Variants in AEN observed in about 807,000 individuals in gnomAD.
The protein encoded by AEN is apoptosis enhancing nuclease.
Under a neutral mutation model 17.7 loss-of-function variants are expected in AEN, and 21 were observed. That is an observed-to-expected ratio of 1.19 (90% CI 0.84 to 1.71). The LOEUF (loss-of-function observed/expected upper bound fraction) is 1.71. Among genes scored for constraint, AEN ranks in the 40% most tolerant of loss-of-function variants. AEN has a pLI of 0.00. For missense variants in AEN, 462 were observed against 435.9 expected (o/e 1.06, Z -0.53); for synonymous variants, 190 against 173.0 (o/e 1.10, Z -0.77).
rs2057900137 is a variant in AEN, at chr15:88,629,493, G to A, written c.741+67G>A. Reference sequence around the variant, plus strand: ...TGGCCTCCATGCCACCTGAGCCACAGACAAGGCTTTGGGCTGTGTCTCCAG... The same window carrying A: ...TGGCCTCCATGCCACCTGAGCCACAAACAAGGCTTTGGGCTGTGTCTCCAG... On this transcript the variant is annotated intron_variant, in intron 3 of 3. Coordinates refer to ENST00000332810, the MANE Select transcript of AEN (RefSeq NM_022767.4). 11 of 1,563,050 alleles carry A rather than the reference G, an allele frequency of 7.0e-6. 1 individual carries two copies. The South Asian group carries it at 1.3e-4, about 18-fold the overall frequency.
At chr15:88,626,931 C>G in intron 2 of AEN, 182 bp downstream of exon 2, 2 of 686,266 alleles carry the variant, frequency 2.9e-6, no homozygotes, top group Non-Finnish European at 4.8e-6. Flanking sequence ...CTGACCTTGC[C>G]TCCAGATAAG....
chr15:88,611,155 G>C, the AEN span, among the ~76,000 whole-genome samples: 4 of 152,212 alleles, frequency 2.6e-5, no homozygotes, highest in East Asian at 1.9e-4. Context: ...CTTCCAGAAG[G>C]GGGAGGCACC....
chr15:88,629,613 A>G (rs963414110), intron 3 of AEN, among the ~76,000 whole-genome samples, 187 bp downstream of exon 3: 3 of 151,974 alleles, frequency 2.0e-5, no homozygotes, highest in African/African-American at 7.3e-5. Flanking sequence ...TCTCTCCATG[A>G]TCCTTCTTCC....
rs1330805473 is a variant in AEN at position 88,630,469 on chromosome 15, CCTCT to C, written c.*183_*186del. 3.2e-6 allele frequency: 2 copies of C among 616,960 alleles called. No homozygotes were observed. Among genetic ancestry groups the C allele is most frequent in the African/African-American group, 1.9e-5 (1 of 54,012 alleles). The allele number at this position is 616,960 out of a possible 1,614,324, so 38.2% of individuals were successfully genotyped here. ...TGACACCCTCTGCACACAGCATAGC[CCTCT>C]CTCTCTCCAGGGCTGTTGGTTCTTT... On this transcript the variant is annotated 3_prime_UTR_variant, in exon 4 of 4. Transcript: ENST00000332810. The surrounding 1 kb of genome is among the most constrained non-coding windows in gnomAD (Gnocchi z 5.1).
upstream of AEN, among the ~76,000 whole-genome samples, chr15:88,617,802 A>C (rs956678524): frequency 1.3e-5 from 2 of 151,840 alleles, no homozygotes; most frequent in African/African-American, 4.8e-5. Context: ...TTGCCTCATA[A>C]GTGACTAGCT....
the AEN span, chr15:88,611,918 T>G: frequency 2.0e-6 from 1 of 507,228 alleles, no homozygotes; most frequent in South Asian, 1.5e-5. Context: ...GTCTACCTAA[T>G]GGTGCCAGCC....
the AEN span, among the ~76,000 whole-genome samples, chr15:88,614,266 C>G: frequency 6.6e-6 from 1 of 150,930 alleles, no homozygotes; most frequent in Non-Finnish European, 1.5e-5. Context: ...GTGGTGTGAT[C>G]TCGGCTCAAT....
chr15:88,615,849 TA>T, the AEN span, among the ~76,000 whole-genome samples: 1 of 152,126 alleles, frequency 6.6e-6, no homozygotes, highest in Non-Finnish European at 1.5e-5. Flanking sequence ...ATCCCCACAG[TA>T]CCCCCAAAAA....
chr15:88,605,860 G>A, the AEN span, among the ~76,000 whole-genome samples: 1 of 152,236 alleles, frequency 6.6e-6, no homozygotes, highest in Non-Finnish European at 1.5e-5. The surrounding 1 kb of genome is among the most constrained non-coding windows in gnomAD (Gnocchi z 7.6). Context: ...GCCCATGGTC[G>A]GTGCCTGCGC....
chr15:88,626,442 G>T lies in AEN; in HGVS notation c.233G>T (p.Ser78Ile). The part of the protein sequence containing the change: ...FGAATATEAA[S>I]SGKQCLRAGS... ...GCAGCGACAGCAACTGAAGCTGCCA[G>T]CAGTGGGAAGCAGTGTCTGAGGGCT... The change falls in exon 2 of 4, where the codon AGC (serine) becomes ATC (isoleucine). Residue 78 changes from serine to isoleucine, a missense_variant. Coordinates refer to ENST00000332810, the MANE Select transcript of AEN (RefSeq NM_022767.4). The T allele has an allele frequency of 6.2e-7, 1 of 1,613,716 alleles. No homozygotes were observed. Among genetic ancestry groups the T allele is most frequent in the Non-Finnish European group, 8.5e-7 (1 of 1,179,934 alleles).
the AEN span, among the ~76,000 whole-genome samples, chr15:88,610,188 C>G: frequency 2.6e-5 from 4 of 152,152 alleles, no homozygotes; most frequent in Admixed American, 6.5e-5. Context: ...CTCCTATTAA[C>G]CAAGGGGTTA....
chr15:88,630,177 C>T lies in AEN; in HGVS notation c.861C>T (p.Asp287=). 20 of 1,613,654 alleles carry T rather than the reference C, an allele frequency of 1.2e-5. No individual in the cohort carries two copies. The highest frequency in any genetic ancestry group is 1.6e-5 in the Non-Finnish European group (19 of 1,179,838). The change falls in exon 4 of 4, where the codon GAC becomes GAT. Residue 287 remains aspartate, a synonymous_variant. Coordinates refer to ENST00000332810, the MANE Select transcript of AEN (RefSeq NM_022767.4). This position sits in a 1 kb window ranked among gnomAD's most constrained non-coding sequence, Gnocchi z 5.1. ...GCAGCCTCTGGACCTGCCCCGAGGA[C>T]AGAGAACCTGACAGCAGCACAGACA... ...EARSLWTCPE[D]REPDSSTDME...
chr15:88,606,504 A>G, the AEN span, among the ~76,000 whole-genome samples: 1 of 151,140 alleles, frequency 6.6e-6, no homozygotes, highest in Non-Finnish European at 1.5e-5. Context: ...GAGAGGCGCT[A>G]TCACAAAAGG....
rs772129059 is a variant in AEN, at chr15:88,626,601, G to A, written c.392G>A (p.Arg131His). 2.6e-5 allele frequency: 42 copies of A among 1,613,978 alleles called. No individual in the cohort carries two copies. Among genetic ancestry groups the A allele is most frequent in the East Asian group, 2.2e-4 (10 of 44,900 alleles). ...CGAGGGCGGGTAAGCGAGCTGGCCCGCTGTTCCATTGTGAGCTACCATGGC... is the reference window on the plus strand; with the variant it reads ...CGAGGGCGGGTAAGCGAGCTGGCCCACTGTTCCATTGTGAGCTACCATGGC... Reference protein sequence around the residue: ...GPRGRVSELARCSIVSYHGNV... With the variant: ...GPRGRVSELAHCSIVSYHGNV... Residue 131 changes from arginine (R) to histidine (H), a missense_variant, in exon 2 of 4, where the codon CGC becomes CAC. By Grantham distance (29) the Arg-to-His change is conservative (BLOSUM62 0). Coordinates refer to ENST00000332810, the MANE Select transcript of AEN (RefSeq NM_022767.4).
At chr15:88,611,358 G>A in the AEN span, among the ~76,000 whole-genome samples, 1 of 151,158 alleles carries the variant, frequency 6.6e-6, no homozygotes, top group Non-Finnish European at 1.5e-5. Flanking sequence ...CACTTTGAGA[G>A]GCTGAGGCAG....
At chr15:88,613,443 A>T in the AEN span, among the ~76,000 whole-genome samples, 2 of 152,102 alleles carry the variant, frequency 1.3e-5, no homozygotes, top group Admixed American at 1.3e-4. Flanking sequence ...TCACAGCGGG[A>T]GAGAAGCCCA....
At chr15:88,629,896 A>C (rs865993172) in intron 3 of AEN, among the ~76,000 whole-genome samples, 162 bp from the exon 4 acceptor site, 1 of 152,184 alleles carries the variant, frequency 6.6e-6, no homozygotes, top group Non-Finnish European at 1.5e-5. Context: ...TGCATGGCTT[A>C]TGGTGTACAG....
chr15:88,617,285 G>T (rs1266146521), upstream of AEN, among the ~76,000 whole-genome samples: 1 of 151,808 alleles, frequency 6.6e-6, no homozygotes, highest in South Asian at 2.1e-4. Flanking sequence ...ACAGAGTCTT[G>T]CACTGTTGCC....
chr15:88,611,412 A>G, the AEN span, among the ~76,000 whole-genome samples: 1 of 147,350 alleles, frequency 6.8e-6, no homozygotes, highest in Admixed American at 6.8e-5. Context: ...CCTGGGCAAT[A>G]TACTGAGACC....
Sources: allele counts gnomAD v4.1 joint callset (sites outside exome capture counted in the v4.1 genomes callset), GRCh38; gene constraint gnomAD v4.1.1; non-coding constraint Gnocchi (gnomAD v3.1); transcripts MANE v1.5; gene names NCBI Gene and HGNC (gene_info 2026-07-23, HGNC 2026-07-21).